Variants in KCNA6 observed in about 807,000 individuals in gnomAD.
The protein encoded by KCNA6 is human brain potassium channel-2.
In KCNA6, 17 loss-of-function variants were observed where a neutral mutation model predicts 29.5. The ratio of observed to expected loss-of-function variants is 0.58; its 90% CI spans 0.39 to 0.86. The LOEUF (loss-of-function observed/expected upper bound fraction) is 0.86, where lower values mean the gene tolerates loss of function less well. KCNA6 is among the 40% of genes least tolerant of loss of function. KCNA6 has a pLI of 0.00. For missense variants in KCNA6, 450 were observed against 703.4 expected, an observed-to-expected ratio of 0.64 and a Z score of 4.07; for synonymous variants, 296 against 304.7, an observed-to-expected ratio of 0.97 and a Z score of 0.30.
At chr12:4,818,780 C>T in the KCNA6 span, among the ~76,000 whole-genome samples, 1 of 152,208 alleles carries the variant, frequency 6.6e-6, no homozygotes, top group South Asian at 2.1e-4. Context: ...GCCAGCTTGT[C>T]TCTGATGGAG....
At chr12:4,818,746 G>T in the KCNA6 span, among the ~76,000 whole-genome samples, 2 of 152,062 alleles carry the variant, frequency 1.3e-5, no homozygotes, top group African/African-American at 4.8e-5. Flanking sequence ...GCTCCTAAAT[G>T]TGTTTATAGA....
chr12:4,823,986 A>G, the KCNA6 span, among the ~76,000 whole-genome samples: 1 of 152,122 alleles, frequency 6.6e-6, no homozygotes, highest in Admixed American at 6.5e-5. Flanking sequence ...GCAGAAGGTG[A>G]TATCTGTCCA....
At chr12:4,817,458 T>C (rs1203510226), downstream of KCNA6, among the ~76,000 whole-genome samples, 1 of 152,210 alleles carries the variant, frequency 6.6e-6, no homozygotes, top group African/African-American at 2.4e-5. Flanking sequence ...TGTCCCTTTG[T>C]TCTGAACTTG....
chr12:4,837,125 G>A, the KCNA6 span, among the ~76,000 whole-genome samples: 1 of 152,132 alleles, frequency 6.6e-6, no homozygotes, highest in Non-Finnish European at 1.5e-5. Context: ...ATGGCCAGTG[G>A]TTAAATCAAT....
the KCNA6 span, chr12:4,851,040 G>A: frequency 3.5e-6 from 1 of 284,020 alleles, no homozygotes; most frequent in Admixed American, 4.5e-5. Flanking sequence ...GGAGGTGCAT[G>A]GGTATGTTGC....
exon 1 of KCNA6, chr12:4,813,345 G>T (rs1946651085): frequency 6.0e-6 from 1 of 167,030 alleles, no homozygotes; most frequent in South Asian, 2.1e-4. Context: ...ACCTCATGGG[G>T]AATGTCTGGG....
rs765501860 is a variant in KCNA6, at chr12:4,810,471, G to T, written c.430G>T (p.Gly144Cys). The T allele has an allele frequency of 1.2e-6, 2 of 1,614,140 alleles. No individual in the cohort carries two copies. The highest frequency in any genetic ancestry group is 1.1e-5 in the South Asian group (1 of 91,080). Reference sequence around the variant, plus strand: ...GGAGGACGAGGGCTGCCTGCCCGAAGGTGGCGAGGACGAGAAGCCGCTGCC... The same window carrying T: ...GGAGGACGAGGGCTGCCTGCCCGAATGTGGCGAGGACGAGAAGCCGCTGCC... The change falls in exon 1 of 1, where the codon GGT becomes TGT. Residue 144 changes from glycine to cysteine, a missense_variant. Gly to Cys is a radical substitution (Grantham distance 159, BLOSUM62 -3). Around this residue, in one of 7 missense-constraint regions of KCNA6, gnomAD observed 133 missense variants for 217.5 expected, o/e 0.61. Coordinates refer to ENST00000280684, the Ensembl canonical transcript of KCNA6. The surrounding 1 kb of genome is among the most constrained non-coding windows in gnomAD (Gnocchi z 7.5).
At chr12:4,827,710 T>C in the KCNA6 span, among the ~76,000 whole-genome samples, 2 of 152,176 alleles carry the variant, frequency 1.3e-5, no homozygotes, top group Non-Finnish European at 2.9e-5. Context: ...GATGGAAAAG[T>C]GTCTAGCTCT....
chr12:4,850,933 A>C, the KCNA6 span: 1 of 393,560 alleles, frequency 2.5e-6, no homozygotes, highest in Non-Finnish European at 5.1e-6. The surrounding 1 kb of genome is among the most constrained non-coding windows in gnomAD (Gnocchi z 5.4). Flanking sequence ...TTGTCCCTAA[A>C]GATGGGGCCC....
chr12:4,846,765 CTTTTTTTTTT>C, the KCNA6 span, among the ~76,000 whole-genome samples: 1 of 100,594 alleles, frequency 9.9e-6, no homozygotes, highest in African/African-American at 4.1e-5. Flanking sequence ...TGGAACACCT[CTTTTTTTTTT>C]TTTTTTTTTT....
chr12:4,823,791 A>G, the KCNA6 span, among the ~76,000 whole-genome samples: 2 of 152,168 alleles, frequency 1.3e-5, no homozygotes, highest in Non-Finnish European at 2.9e-5. Context: ...ATAATAAAAT[A>G]AAATGGGGAA....
chr12:4,816,691 A>G (rs1329788578), downstream of KCNA6, among the ~76,000 whole-genome samples: 2 of 151,972 alleles, frequency 1.3e-5, no homozygotes, highest in Non-Finnish European at 2.9e-5. Flanking sequence ...TAAAGGTTTT[A>G]TTTTCCCTGG....
At position 4,810,476 on chromosome 12, in the gene KCNA6, C is replaced by T. The variant is rs773462391; in HGVS notation, c.435C>T (p.Gly145=). Residue 145 remains glycine, a synonymous_variant, in exon 1 of 1, where the codon GGC becomes GGT. Coordinates refer to ENST00000280684, the Ensembl canonical transcript of KCNA6. This position sits in a 1 kb window ranked among gnomAD's most constrained non-coding sequence, Gnocchi z 7.5. Reference sequence around the variant, plus strand: ...ACGAGGGCTGCCTGCCCGAAGGTGGCGAGGACGAGAAGCCGCTGCCCTCCC... The same window carrying T: ...ACGAGGGCTGCCTGCCCGAAGGTGGTGAGGACGAGAAGCCGCTGCCCTCCC... The T allele has an allele frequency of 3.7e-6, 6 of 1,614,094 alleles. No individual in the cohort carries two copies. In the Admixed American group the frequency reaches 5.0e-5, roughly 13 times the overall value.
At chr12:4,830,599 G>A in the KCNA6 span, among the ~76,000 whole-genome samples, 4 of 152,352 alleles carry the variant, frequency 2.6e-5, no homozygotes, top group African/African-American at 7.2e-5. Flanking sequence ...AACCCGCTGC[G>A]GGCTCAAAAT....
In KCNA6 at chr12:4,810,585, T is replaced by C. The variant is rs1323402242; in HGVS notation, c.544T>C (p.Leu182=). ...CAGGGGCATCGCCATCGTCTCCGTG[T>C]TGGTCATTCTCATCTCCATAGTCAT... Residue 182 remains leucine, a synonymous_variant, in exon 1 of 1, where the codon TTG becomes CTG. Coordinates refer to ENST00000280684, the Ensembl canonical transcript of KCNA6. The surrounding 1 kb of genome is among the most constrained non-coding windows in gnomAD (Gnocchi z 7.5). The C allele has an allele frequency of 1.2e-6, 2 of 1,614,040 alleles. No homozygotes were observed. The highest frequency in any genetic ancestry group is 1.7e-6 in the Non-Finnish European group (2 of 1,180,016).
downstream of KCNA6, chr12:4,813,951 G>T (rs374077728): frequency 1.2e-5 from 2 of 167,202 alleles, no homozygotes; most frequent in East Asian, 3.9e-4. Flanking sequence ...TCTGGTTGCC[G>T]TAGCAACCTT....
chr12:4,815,303 T>C (rs1049364272), downstream of KCNA6, among the ~76,000 whole-genome samples: 1 of 152,206 alleles, frequency 6.6e-6, no homozygotes, highest in Non-Finnish European at 1.5e-5. Context: ...TTTCCTGACT[T>C]CTCACTCTGC....
At chr12:4,818,594 G>A in the KCNA6 span, among the ~76,000 whole-genome samples, 1 of 152,164 alleles carries the variant, frequency 6.6e-6, no homozygotes, top group African/African-American at 2.4e-5. Context: ...TTCTTTGGCA[G>A]ATAAGAAAAC....
At chr12:4,832,838 C>T in the KCNA6 span, among the ~76,000 whole-genome samples, 1 of 152,200 alleles carries the variant, frequency 6.6e-6, no homozygotes, top group Non-Finnish European at 1.5e-5. Context: ...ACTCCTTTTG[C>T]ACTCAGCAGA....
Sources: allele counts gnomAD v4.1 joint callset (sites outside exome capture counted in the v4.1 genomes callset), GRCh38; gene constraint gnomAD v4.1.1; regional missense constraint gnomAD v4.1.1; non-coding constraint Gnocchi (gnomAD v3.1); transcripts MANE v1.5; gene names NCBI Gene and HGNC (gene_info 2026-07-23, HGNC 2026-07-21).